Variants in KIFAP3 observed in about 807,000 individuals in gnomAD.
KIFAP3 encodes the protein kinesin associated protein 3.
In KIFAP3, 68 loss-of-function variants were observed where a neutral mutation model predicts 106.5. The ratio of observed to expected loss-of-function variants is 0.64; its 90% CI spans 0.53 to 0.78. The LOEUF is 0.78. Ranked by LOEUF, KIFAP3 falls within the 30% of genes least tolerant of loss-of-function variation. The probability of loss-of-function intolerance (pLI) is 0.00; values close to 1 mark genes in which losing one functional copy is unlikely to be tolerated. For synonymous variants in KIFAP3, 320 were observed against 311.5 expected (o/e 1.03, Z -0.29); for missense variants, 780 against 941.8 (o/e 0.83, Z 2.25).
intron 19 of KIFAP3, among the ~76,000 whole-genome samples, chr1:169,951,813 A>C (rs1664746173): frequency 6.6e-6 from 1 of 151,948 alleles, no homozygotes; most frequent in Non-Finnish European, 1.5e-5. Context: ...TTAGATTCAC[A>C]GTATCTGCAG....
intron 2 of KIFAP3, among the ~76,000 whole-genome samples, chr1:170,048,321 A>C (rs1670374396): frequency 1.4e-5 from 2 of 140,442 alleles, no homozygotes; most frequent in Admixed American, 7.2e-5. Context: ...TTTGGTTCCT[A>C]CCTTTTAAGT....
intron 1 of KIFAP3, among the ~76,000 whole-genome samples, chr1:170,083,747 C>G (rs992482841): frequency 6.6e-6 from 1 of 152,134 alleles, no homozygotes; most frequent in African/African-American, 2.4e-5. Context: ...CCACATATCC[C>G]TTATTAATTA....
chr1:170,070,641 G>A (rs1393473644), intron 1 of KIFAP3, among the ~76,000 whole-genome samples: 3 of 152,028 alleles, frequency 2.0e-5, no homozygotes, highest in Non-Finnish European at 4.4e-5. Context: ...ATGGACCCTT[G>A]CCATATACCA....
At chr1:169,952,034 A>G (rs682449) in intron 19 of KIFAP3, among the ~76,000 whole-genome samples, 66,987 of 151,684 alleles carry the variant, frequency 0.44, 15,157 homozygotes, top group Middle Eastern at 0.54. Context: ...CAGAGCCTCT[A>G]TTTAAATAAC....
At chr1:170,036,597 G>A (rs992240837) in intron 5 of KIFAP3, among the ~76,000 whole-genome samples, 5 of 152,082 alleles carry the variant, frequency 3.3e-5, no homozygotes, top group Admixed American at 2.6e-4. Flanking sequence ...CCTCCAAAAA[G>A]TCCTATTTAA....
intron 10 of KIFAP3, among the ~76,000 whole-genome samples, chr1:170,007,740 G>C (rs1668041599): frequency 2.0e-5 from 3 of 151,938 alleles, no homozygotes; most frequent in Non-Finnish European, 2.9e-5. Flanking sequence ...CTACCAATGA[G>C]TTTCTTCACA....
In KIFAP3 at chr1:169,968,933, T is replaced by A. The variant is rs555382354; in HGVS notation, c.1983+3580A>T. Among the ~76,000 whole-genome samples the A allele has an allele frequency of 1.1e-4, 17 of 152,018 alleles. No individual in the cohort carries two copies. In the South Asian group the frequency reaches 1.2e-3, roughly 11 times the overall value. ...ATTCTAACAAGTTGGAAAAATATCC[T>A]AAATGTCCGCCTTTTGGTTTACGCA... On this transcript the variant is annotated intron_variant, in intron 17 of 19. Transcript: ENST00000361580.
chr1:170,034,017 C>A (rs1041473939), intron 7 of KIFAP3, among the ~76,000 whole-genome samples: 8 of 151,778 alleles, frequency 5.3e-5, no homozygotes, highest in African/African-American at 1.9e-4. Flanking sequence ...AGTACTCACA[C>A]AGAAGTATAT....
At chr1:170,078,593 A>G (rs1471611331), upstream of KIFAP3, among the ~76,000 whole-genome samples, 1 of 152,206 alleles carries the variant, frequency 6.6e-6, no homozygotes, top group Non-Finnish European at 1.5e-5. Context: ...CTTGAATGAT[A>G]TTTATTAAGA....
intron 9 of KIFAP3, among the ~76,000 whole-genome samples, chr1:170,023,221 T>C (rs1668941795): frequency 6.6e-6 from 1 of 151,994 alleles, no homozygotes; most frequent in Non-Finnish European, 1.5e-5. Flanking sequence ...ACTAAATATA[T>C]AGGGGAAAAA....
intron 2 of KIFAP3, among the ~76,000 whole-genome samples, chr1:170,048,044 G>C (rs960112497): frequency 7.2e-5 from 11 of 152,324 alleles, no homozygotes; most frequent in Admixed American, 5.2e-4. Context: ...AAGGGCAGGA[G>C]TGGGGATCTC....
intron 15 of KIFAP3, among the ~76,000 whole-genome samples, chr1:169,980,375 C>T (rs981698784): frequency 6.6e-6 from 1 of 152,042 alleles, no homozygotes; most frequent in Non-Finnish European, 1.5e-5. Flanking sequence ...CTATACTATT[C>T]GCTAGTTATG....
chr1:169,921,601 G>C lies in KIFAP3; in HGVS notation c.*75C>G. On this transcript the variant is annotated 3_prime_UTR_variant, in exon 20 of 20. Transcript: ENST00000361580. Reference sequence around the variant, plus strand: ...ACAATAACATCAACATGCATTATTAGGCAAAGATCCAAAATTAACCCAACC... The same window carrying C: ...ACAATAACATCAACATGCATTATTACGCAAAGATCCAAAATTAACCCAACC... 1 of 1,119,114 alleles carries C rather than the reference G, an allele frequency of 8.9e-7. No individual in the cohort carries two copies. The highest frequency in any genetic ancestry group is 1.3e-5 in the South Asian group (1 of 76,000). 69.3% of individuals were successfully genotyped at this position (1,119,114 alleles called of 1,614,324 possible).
upstream of KIFAP3, chr1:170,074,774 G>C: frequency 1.6e-6 from 2 of 1,229,852 alleles, no homozygotes; most frequent in Non-Finnish European, 2.1e-6. Context: ...TGGCCTCAGA[G>C]TTTGACGCAC....
At chr1:170,069,545 T>C (rs555660971) in intron 1 of KIFAP3, among the ~76,000 whole-genome samples, 1 of 151,966 alleles carries the variant, frequency 6.6e-6, no homozygotes, top group African/African-American at 2.4e-5. Context: ...ACCACATTAA[T>C]GGAATGAAGA....
upstream of KIFAP3, among the ~76,000 whole-genome samples, chr1:170,078,873 T>C (rs1671970133): frequency 6.6e-6 from 1 of 152,194 alleles, no homozygotes; most frequent in South Asian, 2.1e-4. Flanking sequence ...CAAATATCCT[T>C]AGTGAACATA....
chr1:169,981,795 T>A (rs1316892956), intron 15 of KIFAP3, among the ~76,000 whole-genome samples, 177 bp downstream of exon 15: 2 of 152,190 alleles, frequency 1.3e-5, no homozygotes, highest in African/African-American at 4.8e-5. Context: ...TCTTTGATAT[T>A]ACTCTATCCA....
At chr1:169,945,056 C>T (rs549732480) in intron 19 of KIFAP3, among the ~76,000 whole-genome samples, 7 of 152,236 alleles carry the variant, frequency 4.6e-5, no homozygotes, top group African/African-American at 1.4e-4. Context: ...GCCCAGGCAG[C>T]CCATACTAAG....
At chr1:169,940,589 G>C (rs1460417315) in intron 19 of KIFAP3, among the ~76,000 whole-genome samples, 1 of 152,090 alleles carries the variant, frequency 6.6e-6, no homozygotes, top group African/African-American at 2.4e-5. Context: ...GTTCACAATA[G>C]GGTTTGTGCG....
Sources: allele counts gnomAD v4.1 joint callset (sites outside exome capture counted in the v4.1 genomes callset), GRCh38; gene constraint gnomAD v4.1.1; transcripts MANE v1.5; gene names NCBI Gene and HGNC (gene_info 2026-07-23, HGNC 2026-07-21).